Variants in LNX1 observed in about 807,000 individuals in gnomAD.
The protein encoded by LNX1 is E3 ubiquitin-protein ligase LNX.
In LNX1, 54 loss-of-function variants were observed where a neutral mutation model predicts 68.4. That is an observed-to-expected ratio of 0.79 (90% CI 0.63 to 0.99). The LOEUF (loss-of-function observed/expected upper bound fraction) is 0.99. Ranked by LOEUF, LNX1 falls within the 50% of genes least tolerant of loss-of-function variation. The probability of loss-of-function intolerance (pLI) is 0.00; values close to 1 mark genes in which losing one functional copy is unlikely to be tolerated. For missense variants in LNX1, 906 were observed against 926.4 expected, an observed-to-expected ratio of 0.98 and a Z score of 0.29; for synonymous variants, 336 against 350.0, an observed-to-expected ratio of 0.96 and a Z score of 0.45.
At chr4:53,530,414 C>T (rs1419949644) in intron 2 of LNX1, among the ~76,000 whole-genome samples, 1 of 151,918 alleles carries the variant, frequency 6.6e-6, no homozygotes, top group African/African-American at 2.4e-5. Context: ...ATTGTTTATC[C>T]TCATTTATAA....
rs1032211815 is a variant in LNX1, at chr4:53,538,502, C to T, written c.381-30275G>A. Among the ~76,000 whole-genome samples the T allele has an allele frequency of 5.9e-5, 9 of 152,248 alleles. No individual in the cohort carries two copies. In the East Asian group the frequency reaches 7.7e-4, roughly 13 times the overall value. ...CTTTTTTGAATGCATGAGGGTTCAT[C>T]GTTGAAAAACCACTCCATTACTCTT... is the stretch of plus-strand genomic sequence containing the variant. On this transcript the variant is annotated intron_variant, in intron 2 of 10. Coordinates refer to ENST00000263925, the MANE Select transcript of LNX1 (RefSeq NM_001126328.3).
At chr4:53,485,443 A>G (rs558975378) in intron 6 of LNX1, among the ~76,000 whole-genome samples, 19 of 152,386 alleles carry the variant, frequency 1.2e-4, no homozygotes, top group African/African-American at 4.6e-4. Flanking sequence ...GAAGCCTGCA[A>G]GAACTATTTA....
chr4:53,573,330 C>T (rs1731280827), intron 2 of LNX1, among the ~76,000 whole-genome samples: 2 of 152,040 alleles, frequency 1.3e-5, no homozygotes, highest in Admixed American at 6.5e-5. Flanking sequence ...GATAGTTGCA[C>T]AATACATGAA....
intron 2 of LNX1, among the ~76,000 whole-genome samples, chr4:53,612,731 C>G (rs1733543808): frequency 6.8e-6 from 1 of 146,902 alleles, no homozygotes; most frequent in Non-Finnish European, 1.5e-5. Flanking sequence ...GAGATGGGGT[C>G]TCGCTATATT....
chr4:53,630,611 A>T (rs1734232816), intron 1 of LNX1, among the ~76,000 whole-genome samples: 2 of 152,204 alleles, frequency 1.3e-5, no homozygotes, highest in African/African-American at 4.8e-5. Context: ...GAGAAAATAC[A>T]TGCATTACAG....
chr4:53,484,381 G>A (rs1724146330), intron 6 of LNX1, among the ~76,000 whole-genome samples: 1 of 151,938 alleles, frequency 6.6e-6, no homozygotes, highest in Admixed American at 6.6e-5. Context: ...TGGCCAACAT[G>A]GTGAAACCCT....
At chr4:53,464,242 C>A (rs1722470092) in intron 9 of LNX1, among the ~76,000 whole-genome samples, 1 of 152,074 alleles carries the variant, frequency 6.6e-6, no homozygotes, top group African/African-American at 2.4e-5. Context: ...TGACCATTAA[C>A]TTAATAGATT....
intron 1 of LNX1, among the ~76,000 whole-genome samples, chr4:53,580,024 A>C (rs1046015978): frequency 1.3e-5 from 2 of 152,190 alleles, no homozygotes; most frequent in Non-Finnish European, 2.9e-5. Context: ...TGTGTCCTGC[A>C]TTGGCACTTT....
intron 3 of LNX1, 85 bp from the exon 4 acceptor site, chr4:53,507,554 A>C: frequency 6.9e-7 from 1 of 1,447,876 alleles, no homozygotes; most frequent in Non-Finnish European, 9.5e-7. Context: ...TATACACAAT[A>C]AGACATTAAC....
chr4:53,462,395 G>C (rs1579338740), intron 9 of LNX1, among the ~76,000 whole-genome samples: 1 of 152,206 alleles, frequency 6.6e-6, no homozygotes, highest in East Asian at 1.9e-4. Flanking sequence ...TGTGTGTCAG[G>C]AGCTGAATTT....
intron 2 of LNX1, among the ~76,000 whole-genome samples, chr4:53,563,510 AGTCTG>A (rs1730422489): frequency 6.6e-6 from 1 of 151,368 alleles, no homozygotes; most frequent in Non-Finnish European, 1.5e-5. Context: ...AGAGATCCAC[AGTCTG>A]GTTCTAGGTT....
intron 1 of LNX1, chr4:53,579,308 G>A (rs1327439376): frequency 2.1e-6 from 2 of 974,500 alleles, no homozygotes; most frequent in African/African-American, 3.5e-5. Flanking sequence ...ACCCTGTGGT[G>A]CCTTAGGAAT....
At chr4:53,625,730 A>C (rs187123783) in intron 1 of LNX1, among the ~76,000 whole-genome samples, 6 of 152,180 alleles carry the variant, frequency 3.9e-5, no homozygotes, top group African/African-American at 1.4e-4. Flanking sequence ...TTGCTTGAGC[A>C]TGAGAGGTTG....
At chr4:53,631,409 T>C (rs1734263903) in intron 1 of LNX1, among the ~76,000 whole-genome samples, 1 of 152,126 alleles carries the variant, frequency 6.6e-6, no homozygotes, top group Non-Finnish European at 1.5e-5. Context: ...TTCCTGAAAA[T>C]CTAGTTCCAC....
At chr4:53,589,549 G>A (rs1016059929) in intron 1 of LNX1, among the ~76,000 whole-genome samples, 5 of 152,214 alleles carry the variant, frequency 3.3e-5, no homozygotes, top group Non-Finnish European at 5.9e-5. Flanking sequence ...GGCATTGGTC[G>A]CTGGATGCTA....
At chr4:53,472,629 C>G (rs1253611665) in intron 9 of LNX1, among the ~76,000 whole-genome samples, 3 of 135,830 alleles carry the variant, frequency 2.2e-5, no homozygotes, top group Non-Finnish European at 4.6e-5. Context: ...TTTTGATTTT[C>G]TGTATTAAAT....
upstream of LNX1, among the ~76,000 whole-genome samples, chr4:53,619,135 G>A (rs1733778871): frequency 6.6e-6 from 1 of 152,260 alleles, no homozygotes; most frequent in African/African-American, 2.4e-5. Context: ...AAATGAAAAT[G>A]TTAGCACCAC....
intron 2 of LNX1, among the ~76,000 whole-genome samples, chr4:53,567,468 C>A (rs1730780308): frequency 1.3e-5 from 2 of 152,046 alleles, no homozygotes. Context: ...ACACAACATA[C>A]CAGAATCTCT....
Position 53,507,315 on chromosome 4 carries a change from A to G in LNX1, c.775+2T>C. 1.2e-6 allele frequency: 2 copies of G among 1,613,596 alleles called. No homozygotes were observed. Among genetic ancestry groups the G allele is most frequent in the Non-Finnish European group, 1.7e-6 (2 of 1,179,796 alleles). On this transcript the variant is annotated splice_donor_variant, in intron 4 of 10. Coordinates refer to ENST00000263925, the MANE Select transcript of LNX1 (RefSeq NM_001126328.3). LOFTEE classifies it high-confidence loss of function. ...ATCCAGCCTTATGGGGAGTTCATTTACCTTCAGGGGCAGTGGTGTTTTCAG... is the reference window on the plus strand; with the variant it reads ...ATCCAGCCTTATGGGGAGTTCATTTGCCTTCAGGGGCAGTGGTGTTTTCAG...
Sources: gnomAD v4.1 joint callset for allele counts (sites outside exome capture counted in the v4.1 genomes callset) on GRCh38, gnomAD v4.1.1 for gene constraint, MANE v1.5 for transcripts, NCBI Gene and HGNC (gene_info 2026-07-23, HGNC 2026-07-21) for gene names.